Variants in FGF13 observed in about 807,000 individuals in gnomAD.
FGF13 encodes fibroblast growth factor homologous factor 2.
FGF13 carries 2 observed loss-of-function variants against 19.5 expected under a neutral mutation model. The observed-to-expected ratio is 0.10, with a 90% CI of 0.04 to 0.32. The LOEUF (loss-of-function observed/expected upper bound fraction) is 0.32, where lower values mean the gene tolerates loss of function less well. Among genes scored for constraint, FGF13 ranks in the 10% least tolerant of loss-of-function variants. FGF13 has a pLI of 1.00. For missense variants in FGF13, 113 were observed against 192.7 expected, an observed-to-expected ratio of 0.59 and a Z score of 2.45; for synonymous variants, 72 against 76.9, an observed-to-expected ratio of 0.94 and a Z score of 0.33.
intron 3 of FGF13, among the ~76,000 whole-genome samples, chrX:138,674,193 G>A (rs757805907): frequency 1.8e-5 from 2 of 110,707 alleles, no homozygotes; most frequent in Admixed American, 1.9e-4. Context: ...ACTATTGTCA[G>A]GTTCTTTGTA....
chrX:139,051,081 C>T (rs1190407656), intron 1 of FGF13, among the ~76,000 whole-genome samples: 1 of 112,043 alleles, frequency 8.9e-6, no homozygotes, highest in Non-Finnish European at 1.9e-5. Flanking sequence ...ATATACCACA[C>T]ACAGATAGAA....
intron 3 of FGF13, among the ~76,000 whole-genome samples, chrX:138,817,840 A>G (rs1158621807): frequency 2.7e-5 from 3 of 112,554 alleles, no homozygotes; most frequent in Non-Finnish European, 5.6e-5. Context: ...AGAATCACAT[A>G]GTAAATACTT....
intron 1 of FGF13, among the ~76,000 whole-genome samples, chrX:139,010,596 T>C (rs1283289664): frequency 9.0e-6 from 1 of 111,717 alleles, no homozygotes; most frequent in African/African-American, 3.3e-5. Context: ...TAAAAAATTC[T>C]TTGAATTGAA....
intron 1 of FGF13, among the ~76,000 whole-genome samples, chrX:139,022,507 C>T (rs952164512): frequency 3.6e-5 from 4 of 111,510 alleles, no homozygotes; most frequent in Non-Finnish European, 5.7e-5. Flanking sequence ...TTTTTTCTTT[C>T]TTTATATCTT....
intron 1 of FGF13, among the ~76,000 whole-genome samples, chrX:139,025,511 T>A (rs1056860473): frequency 9.0e-5 from 10 of 111,569 alleles, no homozygotes; most frequent in African/African-American, 3.3e-4. Flanking sequence ...CTCATCCAGT[T>A]GAAGGTCAAT....
At chrX:138,689,025 G>T (rs1033362281) in intron 3 of FGF13, among the ~76,000 whole-genome samples, 2 of 111,356 alleles carry the variant, frequency 1.8e-5, no homozygotes, top group African/African-American at 6.5e-5. Flanking sequence ...TACTACAGAG[G>T]TGATACAGAG....
intron 1 of FGF13, among the ~76,000 whole-genome samples, chrX:138,973,681 GGTGCAT>G (rs1455466684): frequency 9.0e-6 from 1 of 111,038 alleles, no homozygotes; most frequent in African/African-American, 3.3e-5. Context: ...TCTGATGTTG[GGTGCAT>G]GTATATTTGC....
At chrX:139,055,039 C>T (rs777190912) in intron 1 of FGF13, among the ~76,000 whole-genome samples, 9 of 111,210 alleles carry the variant, frequency 8.1e-5, no homozygotes, top group Admixed American at 1.9e-4. Flanking sequence ...ATCTTGTATC[C>T]GGAAAGTTTG....
chrX:138,872,184 C>G (rs759499760), intron 1 of FGF13, among the ~76,000 whole-genome samples: 1 of 111,914 alleles, frequency 8.9e-6, no homozygotes, highest in Non-Finnish European at 1.9e-5. Context: ...CAGGCAGCAT[C>G]TAATGACACT....
chrX:138,655,289 C>A (rs1217188545), intron 3 of FGF13, among the ~76,000 whole-genome samples: 1 of 111,632 alleles, frequency 9.0e-6, no homozygotes, highest in Non-Finnish European at 1.9e-5. Flanking sequence ...ATATCTGTTT[C>A]TCCCATTTAA....
chrX:138,930,179 T>C (rs1457579478), intron 1 of FGF13, among the ~76,000 whole-genome samples: 1 of 110,988 alleles, frequency 9.0e-6, no homozygotes, highest in African/African-American at 3.3e-5. Flanking sequence ...CTGAAAAAAA[T>C]ATATAACTTG....
intron 1 of FGF13, among the ~76,000 whole-genome samples, chrX:139,067,848 T>G (rs1386954331): frequency 9.0e-6 from 1 of 110,686 alleles, no homozygotes; most frequent in African/African-American, 3.3e-5. Flanking sequence ...TTTTTTCTTG[T>G]AAATTTGTTG....
intron 1 of FGF13, among the ~76,000 whole-genome samples, chrX:139,028,462 T>A (rs964606625): frequency 9.0e-6 from 1 of 111,357 alleles, no homozygotes; most frequent in African/African-American, 3.3e-5. Context: ...GTTTGTGCTA[T>A]GAGGAAAATA....
chrX:138,777,483 A>G (rs2090596786), intron 3 of FGF13, among the ~76,000 whole-genome samples: 2 of 111,773 alleles, frequency 1.8e-5, no homozygotes, highest in Admixed American at 1.9e-4. Context: ...AACAAAGGAG[A>G]AAAAAGGACC....
At chrX:139,193,373 C>T (rs1449478273) in intron 1 of FGF13, among the ~76,000 whole-genome samples, 2 of 112,121 alleles carry the variant, frequency 1.8e-5, no homozygotes, top group African/African-American at 3.2e-5. Flanking sequence ...CAGAAACCTA[C>T]GATGGATGAT....
intron 1 of FGF13, among the ~76,000 whole-genome samples, chrX:139,092,724 T>C (rs2083446610): frequency 8.9e-6 from 1 of 112,047 alleles, no homozygotes; most frequent in South Asian, 3.7e-4. Flanking sequence ...TTCTCCACCA[T>C]GTTCTTAGAC....
intron 1 of FGF13, among the ~76,000 whole-genome samples, chrX:139,022,466 C>T (rs2092181678): frequency 9.0e-6 from 1 of 111,535 alleles, no homozygotes; most frequent in Non-Finnish European, 1.9e-5. Flanking sequence ...ATTTTTTCTT[C>T]CGTTGGCTTC....
chrX:139,110,395 T>C (rs768947947), intron 1 of FGF13, among the ~76,000 whole-genome samples: 6 of 110,513 alleles, frequency 5.4e-5, no homozygotes, highest in Admixed American at 9.6e-5. Context: ...CGGTGGAAGA[T>C]AATTGAATCA....
chrX:138,754,385 A>G (rs1041745847), intron 3 of FGF13, among the ~76,000 whole-genome samples: 4 of 111,543 alleles, frequency 3.6e-5, no homozygotes, highest in Admixed American at 9.5e-5. Flanking sequence ...AAGAGTGTCC[A>G]TTTGATTACC....
Sources: allele counts gnomAD v4.1 joint callset (sites outside exome capture counted in the v4.1 genomes callset), GRCh38; gene constraint gnomAD v4.1.1; transcripts MANE v1.5; gene names NCBI Gene and HGNC (gene_info 2026-07-23, HGNC 2026-07-21).